STPG2: variants seen among roughly 807,000 people sequenced by gnomAD.
STPG2 encodes the protein sperm-tail PG-rich repeat-containing protein 2.
In STPG2, 56 loss-of-function variants were observed where a neutral mutation model predicts 54.2. The observed-to-expected ratio is 1.03, with a 90% CI of 0.83 to 1.29. STPG2 has a LOEUF of 1.29. STPG2 is among the 50% of genes most tolerant of loss of function. The pLI is 0.00. For missense variants in STPG2, 596 were observed against 544.9 expected, an observed-to-expected ratio of 1.09 and a Z score of -0.93; for synonymous variants, 200 against 181.8, an observed-to-expected ratio of 1.10 and a Z score of -0.81.
At chr4:97,725,660 T>C (rs548298193) in intron 9 of STPG2, among the ~76,000 whole-genome samples, 18 of 151,200 alleles carry the variant, frequency 1.2e-4, no homozygotes, top group Non-Finnish European at 1.5e-4. Context: ...TAAAAAGATA[T>C]TTAAAAAAAA....
chr4:98,118,715 G>A (rs1739590587), intron 3 of STPG2, among the ~76,000 whole-genome samples: 1 of 152,084 alleles, frequency 6.6e-6, no homozygotes. Context: ...TGATTGCAAG[G>A]CTCAGGCAAG....
intron 10 of STPG2, among the ~76,000 whole-genome samples, chr4:97,660,980 G>A (rs1722359133): frequency 6.6e-6 from 1 of 152,046 alleles, no homozygotes; most frequent in Non-Finnish European, 1.5e-5. Flanking sequence ...ACTTGGCTAA[G>A]TCACGAATAA....
intron 4 of STPG2, among the ~76,000 whole-genome samples, chr4:98,106,728 A>G (rs550619101): frequency 1.3e-3 from 191 of 152,300 alleles, no homozygotes; most frequent in African/African-American, 4.3e-3. Flanking sequence ...GTAATAACCA[A>G]TTCTCAAGGT....
At chr4:97,897,898 T>G (rs1340625944) in intron 8 of STPG2, among the ~76,000 whole-genome samples, 1 of 151,616 alleles carries the variant, frequency 6.6e-6, no homozygotes, top group African/African-American at 2.4e-5. Flanking sequence ...ATGCAGAAGC[T>G]CTTAAGTATA....
At chr4:97,973,548 C>A (rs1052746338) in intron 6 of STPG2, among the ~76,000 whole-genome samples, 1 of 152,116 alleles carries the variant, frequency 6.6e-6, no homozygotes, top group Non-Finnish European at 1.5e-5. Context: ...AATGTTAATC[C>A]CCAAGACAAT....
At chr4:97,963,381 G>C (rs1420861035) in intron 7 of STPG2, among the ~76,000 whole-genome samples, 2 of 152,108 alleles carry the variant, frequency 1.3e-5, no homozygotes, top group African/African-American at 2.4e-5. Context: ...TATATACTGG[G>C]CGTGGTGGCT....
At chr4:97,635,533 G>C (rs991784736) in intron 10 of STPG2, among the ~76,000 whole-genome samples, 1 of 152,086 alleles carries the variant, frequency 6.6e-6, no homozygotes, top group African/African-American at 2.4e-5. Flanking sequence ...CCAATTAAAA[G>C]ACACAGACTG....
intron 4 of STPG2, among the ~76,000 whole-genome samples, chr4:97,498,683 C>A (rs907341322): frequency 6.7e-6 from 1 of 150,042 alleles, no homozygotes; most frequent in Admixed American, 6.6e-5. Flanking sequence ...AATAAAAAAA[C>A]AAGAAACAAA....
Position 97,512,001 on chromosome 4 carries a change from C to T in STPG2, c.462+200698G>A, listed in dbSNP as rs1337350798. Among the ~76,000 whole-genome samples, 4 of 151,982 alleles carry T rather than the reference C, an allele frequency of 2.6e-5. 1 individual carries two copies. The highest frequency in any genetic ancestry group is 5.9e-5 in the Non-Finnish European group (4 of 67,978). Reference sequence around the variant, plus strand: ...AGGTAGTGACTTTACTAGGAAAGGACCTGCATGCTTTGCTGTTTTTTCAAC... The same window carrying T: ...AGGTAGTGACTTTACTAGGAAAGGATCTGCATGCTTTGCTGTTTTTTCAAC... On this transcript the variant is annotated intron_variant, in intron 4 of 4. Coordinates refer to the STPG2 transcript ENST00000522676.
At chr4:97,771,501 G>A (rs1284512323) in intron 9 of STPG2, among the ~76,000 whole-genome samples, 7 of 152,128 alleles carry the variant, frequency 4.6e-5, no homozygotes, top group African/African-American at 1.7e-4. Flanking sequence ...TGGTGGGCAA[G>A]CAGGAAGCAT....
chr4:97,508,119 T>C (rs1411915868), intron 4 of STPG2, among the ~76,000 whole-genome samples: 1 of 152,030 alleles, frequency 6.6e-6, no homozygotes, highest in Non-Finnish European at 1.5e-5. Flanking sequence ...TTCCAGAGGT[T>C]TGTGAAGGAA....
chr4:97,946,307 A>G (rs564407598), intron 7 of STPG2, among the ~76,000 whole-genome samples: 25 of 152,152 alleles, frequency 1.6e-4, no homozygotes, highest in Admixed American at 1.2e-3. Flanking sequence ...CCTTTGCCCA[A>G]TGCATAGTTT....
At chr4:97,907,476 C>A (rs7690284) in intron 8 of STPG2, among the ~76,000 whole-genome samples, 3,407 of 152,222 alleles carry the variant, frequency 0.022, 63 homozygotes, top group Non-Finnish European at 0.033. Context: ...CCATCCCCAT[C>A]AAGCTACCAA....
Position 97,774,538 on chromosome 4 carries a change from G to A in STPG2, c.1205-61724C>T, listed in dbSNP as rs543998355. On this transcript the variant is annotated intron_variant, in intron 9 of 10. Coordinates refer to ENST00000295268, the MANE Select transcript of STPG2 (RefSeq NM_174952.3). The stretch of plus-strand genomic sequence containing the variant: ...GTTATATTCTTGCTAAAATGGTTAG[G>A]TGAGGTTTACAGTAAGGAGTAGGAT... Among the ~76,000 whole-genome samples, 43 of 152,148 alleles carry A rather than the reference G, an allele frequency of 2.8e-4. No homozygotes were observed. The South Asian group carries it at 8.5e-3, about 30-fold the overall frequency.
intron 9 of STPG2, among the ~76,000 whole-genome samples, chr4:97,753,790 A>C (rs555181661): frequency 6.6e-6 from 1 of 152,074 alleles, no homozygotes; most frequent in South Asian, 2.1e-4. Context: ...TGTGTTTGTT[A>C]ACCATTTGTA....
chr4:97,586,697 C>A (rs986504572), intron 10 of STPG2, among the ~76,000 whole-genome samples: 1 of 151,812 alleles, frequency 6.6e-6, no homozygotes, highest in African/African-American at 2.4e-5. Context: ...AAGGAAAACA[C>A]CATCAACATG....
chr4:97,907,201 C>T (rs1731466286), intron 8 of STPG2, among the ~76,000 whole-genome samples: 1 of 151,176 alleles, frequency 6.6e-6, no homozygotes, highest in Non-Finnish European at 1.5e-5. Context: ...ACAAAAATCA[C>T]AAGCATTCTT....
intron 8 of STPG2, among the ~76,000 whole-genome samples, chr4:97,934,507 T>A (rs915380639): frequency 6.6e-6 from 1 of 152,240 alleles, no homozygotes; most frequent in Non-Finnish European, 1.5e-5. Flanking sequence ...ATGCCATAAA[T>A]GGCTCTTATT....
intron 8 of STPG2, among the ~76,000 whole-genome samples, chr4:97,917,706 A>C (rs1392575430): frequency 6.6e-6 from 1 of 152,214 alleles, no homozygotes; most frequent in Non-Finnish European, 1.5e-5. Flanking sequence ...AAGAGCTGTT[A>C]ATCTCATAAA....
Sources: allele counts gnomAD v4.1 joint callset (sites outside exome capture counted in the v4.1 genomes callset), GRCh38; gene constraint gnomAD v4.1.1; transcripts MANE v1.5; gene names NCBI Gene and HGNC (gene_info 2026-07-23, HGNC 2026-07-21).